Variants in DNAH5 observed in about 807,000 individuals in gnomAD.
DNAH5 encodes dynein axonemal heavy chain 5.
Under a neutral mutation model 518.2 loss-of-function variants are expected in DNAH5, and 372 were observed. That is an observed-to-expected ratio of 0.72 (90% confidence interval 0.66 to 0.78). The LOEUF (loss-of-function observed/expected upper bound fraction) is 0.78. Among genes scored for constraint, DNAH5 ranks in the 30% least tolerant of loss-of-function variants. The pLI is 0.00. For missense variants in DNAH5, 5,523 were observed against 5,687.0 expected (o/e 0.97, Z 0.93); for synonymous variants, 2,039 against 2,025.9 (o/e 1.01, Z -0.17).
chr5:13,704,055 G>T (rs886657646), intron 76 of DNAH5, among the ~76,000 whole-genome samples: 1 of 152,182 alleles, frequency 6.6e-6, no homozygotes, highest in Non-Finnish European at 1.5e-5. Context: ...GAGGGTCCCA[G>T]AGTAACTGTC....
intron 1 of DNAH5, among the ~76,000 whole-genome samples, chr5:13,960,656 G>A (rs1452110103): frequency 6.6e-6 from 1 of 152,182 alleles, no homozygotes; most frequent in Admixed American, 6.5e-5. Flanking sequence ...CAACTTGGCT[G>A]TGCCTCTCTT....
chr5:13,729,432 C>T lies in DNAH5; in HGVS notation c.11883+7G>A. The stretch of plus-strand genomic sequence containing the variant: ...CATCAGCTTAAGTTGATTCAAAGCA[C>T]AGTTACCTGGTCAAGGACATCTGAA... On this transcript the variant is annotated splice_region_variant and intron_variant, in intron 69 of 78. Coordinates refer to ENST00000265104, the MANE Select transcript of DNAH5 (RefSeq NM_001369.3). 2 of 1,613,892 alleles carry T rather than the reference C, an allele frequency of 1.2e-6. No individual in the cohort carries two copies. Among genetic ancestry groups the T allele is most frequent in the East Asian group, 2.2e-5 (1 of 44,844 alleles).
chr5:13,939,557 C>A (rs1348206567), intron 1 of DNAH5, among the ~76,000 whole-genome samples: 2 of 152,134 alleles, frequency 1.3e-5, no homozygotes, highest in Non-Finnish European at 2.9e-5. Context: ...CCCTCTTTGT[C>A]TTCCAGCTTC....
At chr5:13,737,976 T>C (rs559726193) in intron 65 of DNAH5, among the ~76,000 whole-genome samples, 2 of 151,402 alleles carry the variant, frequency 1.3e-5, no homozygotes, top group African/African-American at 2.4e-5. Context: ...AGCAGGAGAA[T>C]CCCTTGAGCC....
At chr5:13,787,538 C>A (rs1402099616) in intron 51 of DNAH5, among the ~76,000 whole-genome samples, 2 of 152,140 alleles carry the variant, frequency 1.3e-5, no homozygotes, top group Non-Finnish European at 2.9e-5. Context: ...CCAAATCAAG[C>A]TTTGAGAAAT....
intron 8 of DNAH5, 150 bp downstream of exon 8, chr5:13,916,993 T>C: frequency 1.5e-6 from 1 of 679,312 alleles, no homozygotes; most frequent in Non-Finnish European, 2.6e-6. Flanking sequence ...TCTGCGTGTA[T>C]ATACCTATAT....
chr5:13,712,370 G>A (rs1030348472), intron 75 of DNAH5, among the ~76,000 whole-genome samples: 1 of 152,134 alleles, frequency 6.6e-6, no homozygotes, highest in Non-Finnish European at 1.5e-5. Flanking sequence ...AAAAATTCTC[G>A]ACAATAACAT....
chr5:13,802,844 G>A lies in DNAH5; in HGVS notation c.7887+4747C>T, dbSNP rs112946235. Reference sequence around the variant, plus strand: ...TGCTTCTCACATTTATCAACTCTATGATTTCAGGTAAGCCACTTAATATTT... The same window carrying A: ...TGCTTCTCACATTTATCAACTCTATAATTTCAGGTAAGCCACTTAATATTT... On this transcript the variant is annotated intron_variant, in intron 47 of 78. Transcript: ENST00000265104. Among the ~76,000 whole-genome samples, 427 of 152,238 alleles carry A rather than the reference G, an allele frequency of 2.8e-3. 1 individual carries two copies. Among genetic ancestry groups the A allele is most frequent in the Non-Finnish European group, 5.1e-3 (347 of 68,036 alleles).
intron 76 of DNAH5, among the ~76,000 whole-genome samples, chr5:13,702,758 C>G (rs1308098932): frequency 6.6e-6 from 1 of 152,144 alleles, no homozygotes; most frequent in African/African-American, 2.4e-5. Flanking sequence ...CATCAAATAA[C>G]ATGGAGAAGA....
intron 12 of DNAH5, among the ~76,000 whole-genome samples, chr5:13,904,542 T>A (rs1477606411): frequency 6.6e-6 from 1 of 151,296 alleles, no homozygotes; most frequent in African/African-American, 2.4e-5. Flanking sequence ...GGATTATGTG[T>A]GTGTGTGTGT....
intron 1 of DNAH5, among the ~76,000 whole-genome samples, chr5:13,940,692 C>T (rs1007140593): frequency 1.1e-4 from 17 of 152,134 alleles, no homozygotes; most frequent in Non-Finnish European, 1.8e-4. Flanking sequence ...AGTCATTTTA[C>T]AAATTGATCC....
intron 21 of DNAH5, among the ~76,000 whole-genome samples, chr5:13,881,987 A>G (rs79947157): frequency 0.02 from 3,079 of 151,776 alleles, 107 homozygotes; most frequent in African/African-American, 0.069. Context: ...ATGAAAGGAG[A>G]TATTACTACT....
At position 13,769,566 on chromosome 5, in the gene DNAH5, CTGCAACAGACTCTGAAGCTTCTTT is replaced by C; in HGVS notation, c.9631_9654del (p.Lys3211_Ala3218del). ...TTCGCTTCCAGTTCTTTACTCAAGG[CTGCAACAGACTCTGAAGCTTCTTT>C]GAGCTTTTCCAATCCAGTATTCATT... On this transcript the variant is annotated inframe_deletion, in exon 57 of 79. Coordinates refer to ENST00000265104, the MANE Select transcript of DNAH5 (RefSeq NM_001369.3). The C allele has an allele frequency of 6.2e-7, 1 of 1,614,080 alleles. No homozygotes were observed. Among genetic ancestry groups the C allele is most frequent in the South Asian group, 1.1e-5 (1 of 91,082 alleles).
At position 13,859,472 on chromosome 5, in the gene DNAH5, T is replaced by C. The variant is rs1160049798; in HGVS notation, c.4930A>G (p.Ile1644Val). Residue 1644 changes from isoleucine to valine, a missense_variant, in exon 30 of 79, where the codon ATT becomes GTT. Physicochemically the swap from Ile to Val is conservative, Grantham distance 29. Coordinates refer to ENST00000265104, the MANE Select transcript of DNAH5 (RefSeq NM_001369.3). ...AAAACCTTGGGCAGCTGCTTGGCAA[T>C]GTCTCCTCCCACAAAGACAGCTTCT... ...YLEAVFVGGDIAKQLPKEAKR... is the reference protein window; with the variant it reads ...YLEAVFVGGDVAKQLPKEAKR... The C allele has an allele frequency of 3.1e-6, 5 of 1,613,960 alleles. No homozygotes were observed. Among genetic ancestry groups the C allele is most frequent in the Admixed American group, 1.7e-5 (1 of 59,998 alleles).
At chr5:13,739,361 C>A (rs1748064592) in intron 65 of DNAH5, among the ~76,000 whole-genome samples, 1 of 152,152 alleles carries the variant, frequency 6.6e-6, no homozygotes, top group Admixed American at 6.5e-5. Context: ...CAGCATCTGG[C>A]ACTTCCCCTG....
At chr5:13,765,843 G>C in intron 59 of DNAH5, 133 bp downstream of exon 59, 1 of 963,230 alleles carries the variant, frequency 1.0e-6, no homozygotes, top group Non-Finnish European at 1.7e-6. Context: ...TTTTATATTT[G>C]AGACAAAGTT....
chr5:13,836,532 A>G (rs984132572), intron 35 of DNAH5, among the ~76,000 whole-genome samples: 3 of 152,148 alleles, frequency 2.0e-5, no homozygotes, highest in Non-Finnish European at 4.4e-5. Flanking sequence ...GGAGAGAATG[A>G]TCAACTGCTC....
At chr5:13,973,718 T>C (rs1782031181) in intron 1 of DNAH5, among the ~76,000 whole-genome samples, 1 of 35,430 alleles carries the variant, frequency 2.8e-5, no homozygotes, top group Non-Finnish European at 5.2e-5. Flanking sequence ...GAGTCACTTA[T>C]GTTAAAAAAA....
Position 13,694,946 on chromosome 5 carries a change from T to C in DNAH5, c.13724-2811A>G, listed in dbSNP as rs997219674. On this transcript the variant is annotated intron_variant, in intron 78 of 78. Transcript: ENST00000265104. ...AATAATCCTATATGATGGGTACTAA[T>C]ATTTAATCATTTTACAGATTCAAAA... is the stretch of plus-strand genomic sequence containing the variant. Among the ~76,000 whole-genome samples the C allele has an allele frequency of 4.6e-5, 7 of 152,350 alleles. No homozygotes were observed. The East Asian group carries it at 5.8e-4, about 13-fold the overall frequency.
Sources: gnomAD v4.1 joint callset for allele counts (sites outside exome capture counted in the v4.1 genomes callset) on GRCh38, gnomAD v4.1.1 for gene constraint, MANE v1.5 for transcripts, NCBI Gene and HGNC (gene_info 2026-07-23, HGNC 2026-07-21) for gene names.